MRAS: variants seen among roughly 807,000 people sequenced by gnomAD.
MRAS encodes muscle RAS oncogene homolog, also known as ras-related protein M-Ras.
MRAS carries 4 observed loss-of-function variants against 20.9 expected under a neutral mutation model. The observed-to-expected ratio is 0.19, with a 90% CI of 0.09 to 0.44. MRAS has a LOEUF of 0.44. Among genes scored for constraint, MRAS ranks in the 20% least tolerant of loss-of-function variants. The probability of loss-of-function intolerance (pLI) is 0.99; values close to 1 mark genes in which losing one functional copy is unlikely to be tolerated. For synonymous variants in MRAS, 98 were observed against 102.9 expected, an observed-to-expected ratio of 0.95 and a Z score of 0.29; for missense variants, 154 against 277.5, an observed-to-expected ratio of 0.56 and a Z score of 3.16.
At chr3:138,370,687 A>C (rs1047650965) in intron 1 of MRAS, among the ~76,000 whole-genome samples, 5 of 152,204 alleles carry the variant, frequency 3.3e-5, no homozygotes, top group African/African-American at 9.7e-5. Flanking sequence ...AGAGGAAATC[A>C]AACATTTTCA....
intron 2 of MRAS, among the ~76,000 whole-genome samples, chr3:138,390,532 A>G (rs1462476631): frequency 1.3e-5 from 2 of 152,184 alleles, no homozygotes; most frequent in East Asian, 3.9e-4. Context: ...TCCTACCTTC[A>G]TGACATCAGG....
At chr3:138,392,603 A>T (rs1365783789) in intron 2 of MRAS, among the ~76,000 whole-genome samples, 1 of 151,746 alleles carries the variant, frequency 6.6e-6, no homozygotes, top group Non-Finnish European at 1.5e-5. Flanking sequence ...GATTATAAAT[A>T]CTCTGTCTTT....
chr3:138,384,504 A>G (rs2054970185), intron 2 of MRAS, among the ~76,000 whole-genome samples: 2 of 152,212 alleles, frequency 1.3e-5, no homozygotes, highest in East Asian at 3.8e-4. Context: ...CCAGTAGCAT[A>G]GAGTTACATT....
At chr3:138,397,216 G>A in intron 2 of MRAS, 108 bp from the exon 3 acceptor site, 1 of 1,357,660 alleles carries the variant, frequency 7.4e-7, no homozygotes, top group Non-Finnish European at 1.0e-6. Context: ...GGACAGCTCG[G>A]ACTGGGCCAC....
chr3:138,370,114 G>T (rs547885354), intron 1 of MRAS, among the ~76,000 whole-genome samples: 1 of 152,100 alleles, frequency 6.6e-6, no homozygotes, highest in African/African-American at 2.4e-5. Context: ...GGTCAGGAGA[G>T]CAAAATCATC....
At chr3:138,378,559 C>G (rs1393828907) in intron 2 of MRAS, among the ~76,000 whole-genome samples, 1 of 152,216 alleles carries the variant, frequency 6.6e-6, no homozygotes, top group South Asian at 2.1e-4. Context: ...GCTGTCCCAT[C>G]TCCATGCTCT....
intron 2 of MRAS, among the ~76,000 whole-genome samples, chr3:138,386,521 T>G (rs1169866809): frequency 6.6e-6 from 1 of 152,228 alleles, no homozygotes; most frequent in Non-Finnish European, 1.5e-5. Flanking sequence ...TTCACTCTTG[T>G]TGCCCTGACT....
intron 2 of MRAS, among the ~76,000 whole-genome samples, chr3:138,382,756 A>T (rs2054931478): frequency 6.6e-6 from 1 of 152,188 alleles, no homozygotes; most frequent in Non-Finnish European, 1.5e-5. Flanking sequence ...GCATCCCAAA[A>T]TCCAAGTGTT....
At chr3:138,400,081 C>T (rs1323580414) in intron 4 of MRAS, 1 of 156,526 alleles carries the variant, frequency 6.4e-6, no homozygotes, top group Non-Finnish European at 1.4e-5. Context: ...CCAGGGTCAC[C>T]TGGGCCCAGA....
chr3:138,402,385 A>T lies in MRAS; in HGVS notation c.*116A>T. Reference sequence around the variant, plus strand: ...AACCCTTGGCCCAAGGACTTGGTACAGGAAGGGAGAAGGGCAGGTGGGCAG... The same window carrying T: ...AACCCTTGGCCCAAGGACTTGGTACTGGAAGGGAGAAGGGCAGGTGGGCAG... On this transcript the variant is annotated 3_prime_UTR_variant, in exon 6 of 6. Transcript: ENST00000423968. 1.1e-6 allele frequency: 1 copy of T among 914,024 alleles called. No individual in the cohort carries two copies. The highest frequency in any genetic ancestry group is 1.7e-6 in the Non-Finnish European group (1 of 596,272). 56.6% of individuals were successfully genotyped at this position (914,024 alleles called of 1,614,324 possible). A position where few individuals can be genotyped will look rare whatever the true frequency, so the allele number is the denominator to read the frequency against.
Position 138,368,668 on chromosome 3 carries a change from A to G in MRAS, c.-18-4198A>G, listed in dbSNP as rs1278606007. Among the ~76,000 whole-genome samples the G allele has an allele frequency of 2.0e-5, 3 of 152,186 alleles. No individual in the cohort carries two copies. In the East Asian group the frequency reaches 5.8e-4, roughly 29 times the overall value. On this transcript the variant is annotated intron_variant, in intron 1 of 5. Coordinates refer to ENST00000423968, the MANE Select transcript of MRAS (RefSeq NM_001085049.3). ...TAGAATGATCTCCGAGGTGCTTTTT[A>G]GTTGAGAAGGCTGGAAAGGAGAGGG...
At chr3:138,368,630 A>G (rs2054613363) in intron 1 of MRAS, among the ~76,000 whole-genome samples, 1 of 152,184 alleles carries the variant, frequency 6.6e-6, no homozygotes, top group African/African-American at 2.4e-5. Context: ...TCAAAAGTGA[A>G]GACCTAACAT....
chr3:138,390,296 CCCTTGAT>C (rs1459595342), intron 2 of MRAS, among the ~76,000 whole-genome samples: 1 of 152,132 alleles, frequency 6.6e-6, no homozygotes, highest in African/African-American at 2.4e-5. Context: ...GCTGCTGGGT[CCCTTGAT>C]CCCTTGTCCT....
At chr3:138,386,816 A>T (rs1357192768) in intron 2 of MRAS, among the ~76,000 whole-genome samples, 1 of 152,160 alleles carries the variant, frequency 6.6e-6, no homozygotes, top group African/African-American at 2.4e-5. Flanking sequence ...TTCACCAGTC[A>T]ATGGACATTT....
At chr3:138,353,255 T>TA (rs200166981) in intron 1 of MRAS, among the ~76,000 whole-genome samples, 14 of 151,464 alleles carry the variant, frequency 9.2e-5, no homozygotes, top group Middle Eastern at 3.4e-3. Flanking sequence ...GTATTTTAAG[T>TA]AAAAAAAAAG....
intron 2 of MRAS, among the ~76,000 whole-genome samples, chr3:138,393,178 A>G (rs2055165397): frequency 6.6e-6 from 1 of 152,154 alleles, no homozygotes; most frequent in Admixed American, 6.5e-5. Flanking sequence ...TTAGTTCTAC[A>G]TTATCATCTA....
At chr3:138,382,102 A>T (rs1035870175) in intron 2 of MRAS, among the ~76,000 whole-genome samples, 1 of 151,990 alleles carries the variant, frequency 6.6e-6, no homozygotes, top group Non-Finnish European at 1.5e-5. Flanking sequence ...TGTGGGAGGA[A>T]TTTCCCTCTT....
intron 2 of MRAS, among the ~76,000 whole-genome samples, chr3:138,382,927 A>G (rs1446960830): frequency 6.6e-6 from 1 of 152,132 alleles, no homozygotes; most frequent in Non-Finnish European, 1.5e-5. Context: ...CCTGTCTGCC[A>G]TTGTGTTGGG....
intron 1 of MRAS, among the ~76,000 whole-genome samples, chr3:138,366,328 G>A (rs1206981235): frequency 6.6e-6 from 1 of 152,200 alleles, no homozygotes; most frequent in East Asian, 1.9e-4. Context: ...TCAGCTCAAC[G>A]TGAATGAAAG....
Sources: gnomAD v4.1 joint callset for allele counts (sites outside exome capture counted in the v4.1 genomes callset) on GRCh38, gnomAD v4.1.1 for gene constraint, MANE v1.5 for transcripts, NCBI Gene and HGNC (gene_info 2026-07-23, HGNC 2026-07-21) for gene names.